The following SUCNR1 variants were observed in gnomAD, a reference collection of about 807,000 sequenced individuals.
SUCNR1 encodes succinate receptor 1.
SUCNR1 carries 5 observed loss-of-function variants against 2.4 expected under a neutral mutation model. That is an observed-to-expected ratio of 2.07 (90% confidence interval 1.08 to 4.36). The LOEUF is 4.36. SUCNR1 is among the 30% of genes most tolerant of loss of function. The pLI, the probability that SUCNR1 is intolerant of heterozygous loss-of-function variation, is 0.00. For synonymous variants in SUCNR1, 162 were observed against 143.9 expected (o/e 1.13, Z -0.90); for missense variants, 373 against 399.2 (o/e 0.93, Z 0.56).
At chr3:151,874,146 ATT>A (rs56678758) in intron 1 of SUCNR1, among the ~76,000 whole-genome samples, 27 of 60,204 alleles carry the variant, frequency 4.5e-4, no homozygotes, top group Middle Eastern at 0.016. Flanking sequence ...ATATATATAT[ATT>A]TTTTTTTTTT....
chr3:151,873,953 T>C (rs1445359), intron 1 of SUCNR1, among the ~76,000 whole-genome samples: 11,100 of 151,602 alleles, frequency 0.073, 567 homozygotes, highest in Non-Finnish European at 0.11. Flanking sequence ...AAGGATTTAT[T>C]ATATTTGCTA....
At chr3:151,878,334 T>G (rs1007868703) in intron 1 of SUCNR1, among the ~76,000 whole-genome samples, 4 of 152,072 alleles carry the variant, frequency 2.6e-5, no homozygotes, top group Non-Finnish European at 5.9e-5. Context: ...ACATGAAGAC[T>G]GACGATGAGG....
chr3:151,881,132 C>T lies in SUCNR1; in HGVS notation c.589C>T (p.Leu197Phe), dbSNP rs767748584. The T allele has an allele frequency of 5.3e-5, 86 of 1,614,012 alleles. No individual in the cohort carries two copies. The highest frequency in any genetic ancestry group is 7.1e-5 in the Non-Finnish European group (84 of 1,180,028). ...CATGTGTCTAACACTGTTGGGGTTC[C>T]TTATTCCTCTTTTTGTGATGTGTTT... Reference protein sequence around the residue: ...YSMCLTLLGFLIPLFVMCFFY... With the variant: ...YSMCLTLLGFFIPLFVMCFFY... Residue 197 changes from leucine (L) to phenylalanine (F), a missense_variant, in exon 3 of 3, where the codon CTT becomes TTT. Around this residue, in one of 3 missense-constraint regions of SUCNR1, gnomAD observed 157 missense variants for 178.7 expected, o/e 0.88. Coordinates refer to ENST00000362032, the MANE Select transcript of SUCNR1 (RefSeq NM_033050.6).
chr3:151,880,774 C>T lies in SUCNR1; in HGVS notation c.231C>T (p.Pro77=), dbSNP rs1718066879. ...VSDLAFLCTL[P]MLIRSYANGN... is the part of the protein sequence containing the mutation. ...ACTTAGCTTTTCTGTGCACCCTCCC[C>T]ATGCTGATAAGGAGTTATGCCAATG... is the stretch of plus-strand genomic sequence containing the variant. Residue 77 remains proline (P), a synonymous_variant, in exon 3 of 3, where the codon CCC becomes CCT. Transcript: ENST00000362032. 6.2e-7 allele frequency: 1 copy of T among 1,614,114 alleles called. No individual in the cohort carries two copies. Among genetic ancestry groups the T allele is most frequent in the Non-Finnish European group, 8.5e-7 (1 of 1,179,996 alleles).
chr3:151,879,871 G>T lies in SUCNR1; in HGVS notation c.-22G>T, dbSNP rs1422646102. The T allele has an allele frequency of 1.3e-6, 2 of 1,565,448 alleles. No homozygotes were observed. The highest frequency in any genetic ancestry group is 3.6e-5 in the Admixed American group (2 of 55,276). The stretch of plus-strand genomic sequence containing the variant: ...TTCTAGGTTATGGTTTAACTCAGCA[G>T]AATTTGTTGAACAACTACGACATGC... On this transcript the variant is annotated 5_prime_UTR_variant, in exon 2 of 3. Transcript: ENST00000362032.
chr3:151,877,892 G>A (rs1441373494), intron 1 of SUCNR1, among the ~76,000 whole-genome samples: 1 of 152,132 alleles, frequency 6.6e-6, no homozygotes, highest in East Asian at 1.9e-4. Flanking sequence ...AAGGAGCCCA[G>A]AAATTAGCCT....
At position 151,880,938 on chromosome 3, in the gene SUCNR1, T is replaced by G; in HGVS notation, c.395T>G (p.Leu132Arg). 5.6e-6 allele frequency: 9 copies of G among 1,614,072 alleles called. No individual in the cohort carries two copies. The highest frequency in any genetic ancestry group is 7.6e-6 in the Non-Finnish European group (9 of 1,180,008). Residue 132 changes from leucine to arginine, a missense_variant, in exon 3 of 3, where the codon CTT (leucine) becomes CGT (arginine). By Grantham distance (102) the Leu-to-Arg change is moderately radical. Transcript: ENST00000362032. Reference protein sequence around the residue: ...LIIKYPFREHLLQKKEFAILI... With the variant: ...LIIKYPFREHRLQKKEFAILI... ...ATTAAGTATCCTTTCCGAGAACACCTTCTGCAAAAGAAAGAGTTTGCTATT... is the reference window on the plus strand; with the variant it reads ...ATTAAGTATCCTTTCCGAGAACACCGTCTGCAAAAGAAAGAGTTTGCTATT...
chr3:151,877,306 G>A (rs1297598887), intron 1 of SUCNR1, among the ~76,000 whole-genome samples: 2 of 152,072 alleles, frequency 1.3e-5, no homozygotes, highest in African/African-American at 4.8e-5. Flanking sequence ...TATATTCCTT[G>A]GATAGTGGAA....
At chr3:151,874,083 TACACACACACAC>T (rs139708188) in intron 1 of SUCNR1, among the ~76,000 whole-genome samples, 13 of 117,432 alleles carry the variant, frequency 1.1e-4, no homozygotes, top group Non-Finnish European at 1.6e-4. Flanking sequence ...ATTTGATACA[TACACACACACAC>T]ACACACACAC....
At chr3:151,874,198 G>A (rs1201318399) in intron 1 of SUCNR1, among the ~76,000 whole-genome samples, 1 of 130,434 alleles carries the variant, frequency 7.7e-6, no homozygotes, top group Non-Finnish European at 1.6e-5. Flanking sequence ...TTGTCACCCA[G>A]GCTAGAGTGT....
At chr3:151,880,034 GCT>G (rs1718041248) in intron 2 of SUCNR1, 127 bp downstream of exon 2, 1 of 538,070 alleles carries the variant, frequency 1.9e-6, no homozygotes, top group African/African-American at 2.0e-5. Context: ...CTTCACATGT[GCT>G]CTTTCTTATG....
At chr3:151,878,248 T>C (rs1316411731) in intron 1 of SUCNR1, among the ~76,000 whole-genome samples, 2 of 152,082 alleles carry the variant, frequency 1.3e-5, no homozygotes, top group South Asian at 2.1e-4. Context: ...CACGTGAAAC[T>C]AGGGAGAGTT....
intron 1 of SUCNR1, among the ~76,000 whole-genome samples, chr3:151,879,373 A>C (rs1222809211): frequency 6.6e-6 from 1 of 152,214 alleles, no homozygotes; most frequent in African/African-American, 2.4e-5. Context: ...GGAACCTAAT[A>C]GTATTAAGAG....
Position 151,881,728 on chromosome 3 carries a change from T to C in SUCNR1, c.*180T>C, listed in dbSNP as rs1718106773. The stretch of plus-strand genomic sequence containing the variant: ...TGTACTGGTTTCTTCCTCTAAGAAT[T>C]GAAAGGAGTTGAACTGCCTTATGTT... On this transcript the variant is annotated 3_prime_UTR_variant, in exon 3 of 3. Coordinates refer to ENST00000362032, the MANE Select transcript of SUCNR1 (RefSeq NM_033050.6). 1.7e-6 allele frequency: 1 copy of C among 605,814 alleles called. No homozygotes were observed. Among genetic ancestry groups the C allele is most frequent in the Non-Finnish European group, 2.8e-6 (1 of 358,382 alleles). The allele number at this position is 605,814 out of a possible 1,614,324, so 37.5% of individuals were successfully genotyped here. A position where few individuals can be genotyped will look rare whatever the true frequency, so the allele number is the denominator to read the frequency against.
At chr3:151,877,354 T>A (rs1397120511) in intron 1 of SUCNR1, among the ~76,000 whole-genome samples, 1 of 152,124 alleles carries the variant, frequency 6.6e-6, no homozygotes, top group Non-Finnish European at 1.5e-5. Flanking sequence ...AGCTATATGA[T>A]CTGATTTTGA....
Position 151,881,540 on chromosome 3 carries a change from G to C in SUCNR1, c.997G>C (p.Glu333Gln), listed in dbSNP as rs573603627. Reference protein sequence around the residue: ...WAHELLLSFREK With the variant: ...WAHELLLSFRQK The stretch of plus-strand genomic sequence containing the variant: ...TCATGAACTCCTACTTTCATTCAGA[G>C]AAAAGTGAGGGGCTTGTGAAACAGA... Residue 333 changes from glutamate to glutamine, a missense_variant, in exon 3 of 3, where the codon GAA (glutamate) becomes CAA (glutamine). Glu to Gln is a conservative substitution (Grantham distance 29). Transcript: ENST00000362032. The C allele has an allele frequency of 2.5e-6, 4 of 1,590,486 alleles. No homozygotes were observed. The Admixed American group carries it at 7.2e-5, about 29-fold the overall frequency.
Position 151,880,657 on chromosome 3 carries a change from C to G in SUCNR1, c.114C>G (p.Val38=). The stretch of plus-strand genomic sequence containing the variant: ...ATGGGATTGAGTTCGTTGTGGGAGT[C>G]CTTGGAAATACCATTGTTGTTTACG... ...IFYGIEFVVG[V]LGNTIVVYGY... Residue 38 remains valine, a synonymous_variant, in exon 3 of 3, where the codon GTC becomes GTG. Coordinates refer to ENST00000362032, the MANE Select transcript of SUCNR1 (RefSeq NM_033050.6). 4 of 1,614,028 alleles carry G rather than the reference C, an allele frequency of 2.5e-6. No homozygotes were observed. The South Asian group carries it at 4.4e-5, about 18-fold the overall frequency.
At chr3:151,878,017 A>C (rs1717973696) in intron 1 of SUCNR1, among the ~76,000 whole-genome samples, 1 of 152,176 alleles carries the variant, frequency 6.6e-6, no homozygotes. Flanking sequence ...CTCAGAAGGC[A>C]AAAGAAGAGT....
Position 151,881,373 on chromosome 3 carries a change from A to T in SUCNR1, c.830A>T (p.Tyr277Phe), listed in dbSNP as rs766683190. Residue 277 changes from tyrosine to phenylalanine, a missense_variant, in exon 3 of 3, where the codon TAC becomes TTC. By Grantham distance (22) the Tyr-to-Phe change is conservative. This residue lies in a region of SUCNR1 where 157 missense variants were observed against 178.7 expected (regional missense o/e 0.88). Transcript: ENST00000362032. ...ACTCAGGTCGTCATCAACTCCTTTT[A>T]CATTGTGACACGGCCTTTGGCCTTT... is the stretch of plus-strand genomic sequence containing the variant. Reference protein sequence around the residue: ...QCTQVVINSFYIVTRPLAFLN... With the variant: ...QCTQVVINSFFIVTRPLAFLN... 87 of 1,614,030 alleles carry T rather than the reference A, an allele frequency of 5.4e-5. 1 individual carries two copies. In the Middle Eastern group the frequency reaches 8.2e-4, roughly 15 times the overall value.
Sources: gnomAD v4.1 joint callset for allele counts (sites outside exome capture counted in the v4.1 genomes callset) on GRCh38, gnomAD v4.1.1 for gene constraint, gnomAD v4.1.1 regional missense constraint, MANE v1.5 for transcripts, NCBI Gene and HGNC (gene_info 2026-07-23, HGNC 2026-07-21) for gene names.